Variants in SEMA5A observed in about 807,000 individuals in gnomAD.
SEMA5A encodes semaphorin 5A.
In SEMA5A, 55 loss-of-function variants were observed where a neutral mutation model predicts 135.5. That is an observed-to-expected ratio of 0.41 (90% confidence interval 0.33 to 0.51). The LOEUF (loss-of-function observed/expected upper bound fraction) is 0.51. SEMA5A is among the 20% of genes least tolerant of loss of function. The pLI, the probability that SEMA5A is intolerant of heterozygous loss-of-function variation, is 0.37. For missense variants in SEMA5A, 1,290 were observed against 1,419.9 expected (o/e 0.91, Z 1.47); for synonymous variants, 580 against 546.5 (o/e 1.06, Z -0.85).
chr5:9,041,161 T>A lies in SEMA5A; in HGVS notation c.*1736A>T, dbSNP rs1735946326. 1 of 152,238 alleles carries A rather than the reference T, an allele frequency of 6.6e-6. No homozygotes were observed. The highest frequency in any genetic ancestry group is 1.5e-5 in the Non-Finnish European group (1 of 68,034). The allele number at this position is 152,238 out of a possible 1,614,324, so 9.4% of individuals were successfully genotyped here. A position where few individuals can be genotyped will look rare whatever the true frequency, so the allele number is the denominator to read the frequency against. On this transcript the variant is annotated 3_prime_UTR_variant, in exon 23 of 23. Coordinates refer to ENST00000382496, the MANE Select transcript of SEMA5A (RefSeq NM_003966.3). ...TGTGTCATCTCTGTAAATCTGGGTA[T>A]ATGAGAATATTTTGAACTCAACAAT...
chr5:9,540,492 G>T (rs1738024692), intron 1 of SEMA5A, among the ~76,000 whole-genome samples: 1 of 152,004 alleles, frequency 6.6e-6, no homozygotes, highest in African/African-American at 2.4e-5. Context: ...AGCTGCTCAG[G>T]AGGATGAGGC....
chr5:9,347,533 G>T (rs1484477842), intron 3 of SEMA5A, among the ~76,000 whole-genome samples: 1 of 152,044 alleles, frequency 6.6e-6, no homozygotes, highest in Non-Finnish European at 1.5e-5. Flanking sequence ...CTACAAGCTT[G>T]TGTCACACAT....
chr5:9,096,113 G>A (rs1310170581), intron 16 of SEMA5A, among the ~76,000 whole-genome samples: 1 of 152,034 alleles, frequency 6.6e-6, no homozygotes, highest in African/African-American at 2.4e-5. Context: ...GGCTGTACCG[G>A]CCTACATCTC....
chr5:9,066,330 G>T, intron 17 of SEMA5A, 91 bp downstream of exon 17: 1 of 1,254,188 alleles, frequency 8.0e-7, no homozygotes, highest in Non-Finnish European at 1.2e-6. Flanking sequence ...TAACCAAAAA[G>T]GAAAATGCCC....
chr5:9,381,471 C>T (rs1299761931), intron 2 of SEMA5A, among the ~76,000 whole-genome samples: 2 of 152,192 alleles, frequency 1.3e-5, no homozygotes, highest in African/African-American at 2.4e-5. Context: ...CATTTTAATA[C>T]AACAGAAGTC....
At chr5:9,428,122 CTCTATCTATCTATCTA>C (rs70943964) in intron 2 of SEMA5A, among the ~76,000 whole-genome samples, 15 of 135,754 alleles carry the variant, frequency 1.1e-4, no homozygotes, top group Non-Finnish European at 2.3e-4. Flanking sequence ...ATATATTCAA[CTCTATCTATCTATCTA>C]TCTATCTATC....
intron 1 of SEMA5A, among the ~76,000 whole-genome samples, chr5:9,513,664 G>T (rs1387378609): frequency 6.6e-6 from 1 of 152,146 alleles, no homozygotes; most frequent in Non-Finnish European, 1.5e-5. Flanking sequence ...AGCAACTAAA[G>T]ATTCACTGAT....
chr5:9,339,598 A>C (rs1299373997), intron 3 of SEMA5A, among the ~76,000 whole-genome samples: 1 of 152,254 alleles, frequency 6.6e-6, no homozygotes, highest in African/African-American at 2.4e-5. Flanking sequence ...ATAATCAAAA[A>C]GAAAGGAAAT....
intron 1 of SEMA5A, among the ~76,000 whole-genome samples, chr5:9,442,483 A>T (rs894776946): frequency 1.3e-5 from 2 of 152,018 alleles, no homozygotes; most frequent in Admixed American, 6.5e-5. Context: ...GTACTACTGT[A>T]CCCTTTGACT....
intron 5 of SEMA5A, among the ~76,000 whole-genome samples, chr5:9,281,823 C>CTTTT (rs66509315): frequency 2.5e-5 from 3 of 121,670 alleles, no homozygotes; most frequent in Admixed American, 8.5e-5. Flanking sequence ...GATACAGGCA[C>CTTTT]TTTTTTTTTT....
At chr5:9,136,738 C>A in intron 12 of SEMA5A, 117 bp from the exon 13 acceptor site, 1 of 791,164 alleles carries the variant, frequency 1.3e-6, no homozygotes, top group South Asian at 1.5e-5. Context: ...ATATGAAGCC[C>A]AATGGGTATT....
intron 12 of SEMA5A, among the ~76,000 whole-genome samples, chr5:9,151,215 A>G (rs1742618146): frequency 6.6e-6 from 1 of 152,216 alleles, no homozygotes. Flanking sequence ...TCATTTATAC[A>G]CATTTTAATA....
At position 9,213,125 on chromosome 5, in the gene SEMA5A, G is replaced by A. The variant is rs147731449; in HGVS notation, c.647-10885C>T. 8.9e-4 allele frequency among the ~76,000 whole-genome samples: 136 copies of A among 152,282 alleles called. 1 individual carries two copies. Among genetic ancestry groups the A allele is most frequent in the African/African-American group, 3.0e-3 (124 of 41,558 alleles). On this transcript the variant is annotated intron_variant, in intron 8 of 22. Transcript: ENST00000382496. ...ACTCGGGCACGAATCCCATTCATGA[G>A]GGACTCCACCTTTATGACCTAATCA...
rs867778342 is a variant in SEMA5A at position 9,043,114 on chromosome 5, T to C, written c.3106-98A>G. 2.2e-5 allele frequency: 23 copies of C among 1,039,436 alleles called. 1 individual carries two copies. In the Middle Eastern group the frequency reaches 9.4e-4, roughly 42 times the overall value. The allele number at this position is 1,039,436 out of a possible 1,614,324, so 64.4% of individuals were successfully genotyped here. A position where few individuals can be genotyped will look rare whatever the true frequency, so the allele number is the denominator to read the frequency against. ...ACTATTATGTTGAATTTGAGCTCTC[T>C]GCTAAGACTCCATATTTTAAAATAT... On this transcript the variant is annotated intron_variant, in intron 22 of 22. Transcript: ENST00000382496.
chr5:9,363,128 C>T (rs805142), intron 3 of SEMA5A: 133,544 of 152,266 alleles, frequency 0.88, 59,772 homozygotes, highest in Non-Finnish European at 0.97. Context: ...CTAGGTTCTT[C>T]GGATATTACT....
At chr5:9,404,157 C>T (rs551814960) in intron 2 of SEMA5A, among the ~76,000 whole-genome samples, 1 of 152,302 alleles carries the variant, frequency 6.6e-6, no homozygotes, top group East Asian at 1.9e-4. Flanking sequence ...TGGTCTTGAA[C>T]TCCTGACCTC....
chr5:9,041,680 C>T lies in SEMA5A; in HGVS notation c.*1217G>A, dbSNP rs1027703664. On this transcript the variant is annotated 3_prime_UTR_variant, in exon 23 of 23. Coordinates refer to ENST00000382496, the MANE Select transcript of SEMA5A (RefSeq NM_003966.3). ...GGACTGGGTGGGTGGGAAGGCAGCA[C>T]TGAAATAAAAGAAAAGGCACCAGAG... The T allele has an allele frequency of 6.6e-6, 1 of 152,490 alleles. No individual in the cohort carries two copies. Among genetic ancestry groups the T allele is most frequent in the Non-Finnish European group, 1.5e-5 (1 of 68,058 alleles). The allele number at this position is 152,490 out of a possible 1,614,324, so 9.4% of individuals were successfully genotyped here. A position where few individuals can be genotyped will look rare whatever the true frequency, so the allele number is the denominator to read the frequency against.
At chr5:9,308,758 G>T (rs911406442) in intron 5 of SEMA5A, among the ~76,000 whole-genome samples, 1 of 152,074 alleles carries the variant, frequency 6.6e-6, no homozygotes, top group South Asian at 2.1e-4. Context: ...CTATCAGATG[G>T]CTGATCTTGG....
chr5:9,068,895 CA>C (rs1352551238), intron 16 of SEMA5A, among the ~76,000 whole-genome samples: 1 of 152,224 alleles, frequency 6.6e-6, no homozygotes, highest in East Asian at 1.9e-4. Context: ...GCAAAATCAG[CA>C]AAGAGAAAAT....
Sources: gnomAD v4.1 joint callset for allele counts (sites outside exome capture counted in the v4.1 genomes callset) on GRCh38, gnomAD v4.1.1 for gene constraint, MANE v1.5 for transcripts, NCBI Gene and HGNC (gene_info 2026-07-23, HGNC 2026-07-21) for gene names.